Variants in PGAP1 observed in about 807,000 individuals in gnomAD.
PGAP1 encodes post-GPI attachment to proteins inositol deacylase 1.
A neutral mutation model predicts 127.0 loss-of-function variants in PGAP1; 76 were observed. The ratio of observed to expected loss-of-function variants is 0.60; its 90% CI spans 0.50 to 0.72. PGAP1 has a LOEUF of 0.72. Among genes scored for constraint, PGAP1 ranks in the 30% least tolerant of loss-of-function variants. The pLI, the probability that PGAP1 is intolerant of heterozygous loss-of-function variation, is 0.00. For missense variants in PGAP1, 982 were observed against 1,071.3 expected (o/e 0.92, Z 1.16); for synonymous variants, 362 against 366.5 (o/e 0.99, Z 0.14).
chr2:196,900,786 G>A (rs552832871), intron 5 of PGAP1, among the ~76,000 whole-genome samples: 7 of 152,242 alleles, frequency 4.6e-5, no homozygotes, highest in Middle Eastern at 6.8e-3. Flanking sequence ...AATTAGCTGG[G>A]CATGGTGGCG....
At position 196,865,100 on chromosome 2, in the gene PGAP1, A is replaced by G; in HGVS notation, c.1768-20T>C. On this transcript the variant is annotated intron_variant, in intron 19 of 26. Transcript: ENST00000354764. ...AACTACCTAAAAAACAGGTAAGTCA[A>G]TGGGCAACTCCTGAATATTCATGTT... 3.7e-6 allele frequency: 5 copies of G among 1,342,888 alleles called. No individual in the cohort carries two copies. Among genetic ancestry groups the G allele is most frequent in the Non-Finnish European group, 5.1e-6 (5 of 974,408 alleles). The allele number at this position is 1,342,888 out of a possible 1,614,324, so 83.2% of individuals were successfully genotyped here. A position where few individuals can be genotyped will look rare whatever the true frequency, so the allele number is the denominator to read the frequency against.
intron 3 of PGAP1, 38 bp from the exon 4 acceptor site, chr2:196,913,091 G>T: frequency 6.5e-7 from 1 of 1,550,176 alleles, no homozygotes; most frequent in South Asian, 1.2e-5. Flanking sequence ...TTGCGGCTTT[G>T]TATCATTTTT....
rs780762160 is a variant in PGAP1 at position 196,893,256 on chromosome 2, C to T, written c.928-11G>A. 7.4e-6 allele frequency: 10 copies of T among 1,350,822 alleles called. No individual in the cohort carries two copies. The highest frequency in any genetic ancestry group is 1.1e-5 in the Non-Finnish European group (10 of 944,974). 83.7% of individuals were successfully genotyped at this position (1,350,822 alleles called of 1,614,324 possible). A position where few individuals can be genotyped will look rare whatever the true frequency, so the allele number is the denominator to read the frequency against. The stretch of plus-strand genomic sequence containing the variant: ...GGAATTTTGAGTTATCTAGAAAGAA[C>T]ATTGATACATTCTGTATCATTTTGT... On this transcript the variant is annotated splice_polypyrimidine_tract_variant and intron_variant, in intron 7 of 26. Coordinates refer to ENST00000354764, the MANE Select transcript of PGAP1 (RefSeq NM_024989.4).
Position 196,916,485 on chromosome 2 carries a change from C to T in PGAP1, c.410G>A (p.Gly137Asp), listed in dbSNP as rs1338111728. 1 of 1,613,538 alleles carries T rather than the reference C, an allele frequency of 6.2e-7. No homozygotes were observed. ...NFNEELVALY[G>D]GSLQKQTKFV... The stretch of plus-strand genomic sequence containing the variant: ...CTTGGTCTGCTTCTGAAGACTTCCA[C>T]CATACAAAGCCACCAGTTCTTCATT... The change falls in exon 3 of 27, where the codon GGT (glycine) becomes GAT (aspartate). Residue 137 changes from glycine to aspartate, a missense_variant. By Grantham distance (94) the Gly-to-Asp change is moderately conservative. Transcript: ENST00000354764.
At chr2:196,861,259 A>G (rs1451701440) in intron 20 of PGAP1, among the ~76,000 whole-genome samples, 3 of 152,188 alleles carry the variant, frequency 2.0e-5, no homozygotes, top group Middle Eastern at 3.2e-3. Flanking sequence ...GCTTTGGGAC[A>G]CTGGTCTGGG....
At chr2:196,889,731 C>T (rs373264275) in intron 10 of PGAP1, among the ~76,000 whole-genome samples, 82 of 151,642 alleles carry the variant, frequency 5.4e-4, no homozygotes, top group African/African-American at 1.9e-3. Flanking sequence ...TGGTGGCAAG[C>T]GCCTGTAGTC....
intron 20 of PGAP1, among the ~76,000 whole-genome samples, chr2:196,854,175 G>C (rs1399635426): frequency 6.6e-6 from 1 of 151,928 alleles, no homozygotes; most frequent in Admixed American, 6.6e-5. Context: ...CAGAGAACAG[G>C]CATGAGCCAC....
At position 196,837,765 on chromosome 2, in the gene PGAP1, TTTC is replaced by T. The variant is rs1440588310; in HGVS notation, c.*3466_*3468del. On this transcript the variant is annotated 3_prime_UTR_variant, in exon 27 of 27. Coordinates refer to ENST00000354764, the MANE Select transcript of PGAP1 (RefSeq NM_024989.4). ...ACAAACACTATGCCTATTACAGTTA[TTTC>T]TTCTTTTTTCCTTACTATATAATCA... 2.0e-5 allele frequency: 3 copies of T among 152,358 alleles called. No individual in the cohort carries two copies. The highest frequency in any genetic ancestry group is 2.1e-4 in the South Asian group (1 of 4,830). The allele number at this position is 152,358 out of a possible 1,614,324, so 9.4% of individuals were successfully genotyped here.
At chr2:196,848,236 T>C (rs577148864) in intron 20 of PGAP1, among the ~76,000 whole-genome samples, 199 bp from the exon 21 acceptor site, 1 of 152,200 alleles carries the variant, frequency 6.6e-6, no homozygotes, top group African/African-American at 2.4e-5. Context: ...TTCAATCACT[T>C]GTAAAAACAA....
intron 3 of PGAP1, among the ~76,000 whole-genome samples, chr2:196,914,080 C>T (rs991516512): frequency 2.0e-5 from 3 of 152,068 alleles, no homozygotes; most frequent in African/African-American, 7.2e-5. Flanking sequence ...CAATACAGAC[C>T]TGATCTTAGC....
chr2:196,926,670 C>A lies in PGAP1; in HGVS notation c.-54G>T. On this transcript the variant is annotated 5_prime_UTR_variant, in exon 1 of 27. Transcript: ENST00000354764. ...CCGCCCCCTCTACCTCCTTCTCCGC[C>A]GCGGGGCCCCAAGCCCGGACTGAGC... 1.2e-6 allele frequency: 2 copies of A among 1,610,402 alleles called. No individual in the cohort carries two copies. The highest frequency in any genetic ancestry group is 1.7e-6 in the Non-Finnish European group (2 of 1,178,446).
intron 6 of PGAP1, among the ~76,000 whole-genome samples, 194 bp downstream of exon 6, chr2:196,898,123 A>G (rs985149652): frequency 6.6e-6 from 1 of 152,088 alleles, no homozygotes; most frequent in East Asian, 1.9e-4. Context: ...AGGCTGAGGC[A>G]TGAGGATCAC....
In PGAP1 at chr2:196,919,928, G is replaced by GTA. The variant is rs1363131340; in HGVS notation, c.301+67_301+68dup. 2.0e-6 allele frequency: 3 copies of GTA among 1,470,478 alleles called. No homozygotes were observed. In the African/African-American group the frequency reaches 4.2e-5, roughly 21 times the overall value. 91.1% of individuals were successfully genotyped at this position (1,470,478 alleles called of 1,614,324 possible). A position where few individuals can be genotyped will look rare whatever the true frequency, so the allele number is the denominator to read the frequency against. On this transcript the variant is annotated intron_variant, in intron 2 of 26. Coordinates refer to ENST00000354764, the MANE Select transcript of PGAP1 (RefSeq NM_024989.4). ...TCATTTACTTTATTTGATTCACCGA[G>GTA]TATGGATATGATTCAAATTCTTGAG... is the stretch of plus-strand genomic sequence containing the variant.
At position 196,876,868 on chromosome 2, in the gene PGAP1, GT is replaced by G. The variant is rs1286930386; in HGVS notation, c.1351-1048del. 3.9e-5 allele frequency among the ~76,000 whole-genome samples: 6 copies of G among 151,974 alleles called. No homozygotes were observed. The South Asian group carries it at 8.3e-4, about 21-fold the overall frequency. ...GAATAAAAGAAAAAACTTTTAAGGGGTTTTGCTTTATTTCTCCCTCCTTACA... is the reference window on the plus strand; with the variant it reads ...GAATAAAAGAAAAAACTTTTAAGGGGTTTGCTTTATTTCTCCCTCCTTACA... On this transcript the variant is annotated intron_variant, in intron 13 of 26. Coordinates refer to ENST00000354764, the MANE Select transcript of PGAP1 (RefSeq NM_024989.4).
chr2:196,852,905 T>G (rs1312923825), intron 20 of PGAP1, among the ~76,000 whole-genome samples: 1 of 152,188 alleles, frequency 6.6e-6, no homozygotes, highest in Admixed American at 6.5e-5. Flanking sequence ...AAAAAGTTGA[T>G]GAAGAGTGAC....
intron 5 of PGAP1, among the ~76,000 whole-genome samples, chr2:196,901,686 A>C (rs539178312): frequency 6.6e-6 from 1 of 152,358 alleles, no homozygotes; most frequent in Admixed American, 6.5e-5. Context: ...TTAAAGACCA[A>C]ATACTTGATG....
chr2:196,922,577 G>C (rs201913223), intron 1 of PGAP1: 2,921 of 384,706 alleles, frequency 7.6e-3, no homozygotes, highest in Middle Eastern at 9.7e-3. Flanking sequence ...CACACACACA[G>C]ACACACACAC....
Position 196,873,764 on chromosome 2 carries a change from G to A in PGAP1, c.1427-6C>T. 6.3e-7 allele frequency: 1 copy of A among 1,587,504 alleles called. No homozygotes were observed. Among genetic ancestry groups the A allele is most frequent in the Non-Finnish European group, 8.6e-7 (1 of 1,156,208 alleles). On this transcript the variant is annotated splice_polypyrimidine_tract_variant and splice_region_variant and intron_variant, in intron 14 of 26. Coordinates refer to ENST00000354764, the MANE Select transcript of PGAP1 (RefSeq NM_024989.4). ...CACTTTCCTTGAAGACAATCCTGTT[G>A]AATTCAAAGTACTGTATTACTTAGA...
chr2:196,880,398 A>G (rs1701695023), intron 12 of PGAP1, among the ~76,000 whole-genome samples: 1 of 152,022 alleles, frequency 6.6e-6, no homozygotes, highest in African/African-American at 2.4e-5. Context: ...ATCCCTTCAT[A>G]TAAAACAAAT....
Sources: gnomAD v4.1 joint callset for allele counts (sites outside exome capture counted in the v4.1 genomes callset) on GRCh38, gnomAD v4.1.1 for gene constraint, MANE v1.5 for transcripts, NCBI Gene and HGNC (gene_info 2026-07-23, HGNC 2026-07-21) for gene names.